The following KCNAB1 variants were observed in gnomAD, a reference collection of about 807,000 sequenced individuals.
KCNAB1 encodes potassium voltage-gated channel subfamily A regulatory beta subunit 1.
A neutral mutation model predicts 64.6 loss-of-function variants in KCNAB1; 35 were observed. That is an observed-to-expected ratio of 0.54 (90% confidence interval 0.41 to 0.72). The LOEUF (loss-of-function observed/expected upper bound fraction) is 0.72. KCNAB1 is among the 30% of genes least tolerant of loss of function. KCNAB1 has a pLI of 0.00. For synonymous variants in KCNAB1, 177 were observed against 183.8 expected (o/e 0.96, Z 0.30); for missense variants, 401 against 512.9 (o/e 0.78, Z 2.11).
At chr3:156,145,198 G>T (rs1204965668) in intron 1 of KCNAB1, among the ~76,000 whole-genome samples, 1 of 152,154 alleles carries the variant, frequency 6.6e-6, no homozygotes, top group South Asian at 2.1e-4. Context: ...ATGGGACTTA[G>T]GAGAATGTTG....
At chr3:156,269,441 G>A (rs1447876863) in intron 1 of KCNAB1, among the ~76,000 whole-genome samples, 1 of 152,164 alleles carries the variant, frequency 6.6e-6, no homozygotes, top group African/African-American at 2.4e-5. Flanking sequence ...AATGATCCAT[G>A]TACTGGCAAG....
At chr3:156,533,950 T>C (rs1319494107) in intron 13 of KCNAB1, among the ~76,000 whole-genome samples, 1 of 151,984 alleles carries the variant, frequency 6.6e-6, no homozygotes, top group Non-Finnish European at 1.5e-5. Context: ...CTTGAGTAAT[T>C]TTTCTTCCCA....
At chr3:156,444,658 A>T (rs1287074431) in intron 2 of KCNAB1, among the ~76,000 whole-genome samples, 1 of 152,230 alleles carries the variant, frequency 6.6e-6, no homozygotes, top group Non-Finnish European at 1.5e-5. Context: ...AAGGGCAAGA[A>T]GCCAATTCCT....
intron 1 of KCNAB1, among the ~76,000 whole-genome samples, chr3:156,348,722 T>A (rs1285667964): frequency 1.3e-5 from 2 of 152,192 alleles, no homozygotes; most frequent in Non-Finnish European, 2.9e-5. Context: ...AATATTGTTA[T>A]TGAATCCATG....
At chr3:156,394,345 A>G (rs537204180) in intron 1 of KCNAB1, among the ~76,000 whole-genome samples, 4 of 152,306 alleles carry the variant, frequency 2.6e-5, no homozygotes, top group African/African-American at 9.6e-5. Flanking sequence ...TGGGCCCACA[A>G]GAGTGAAGTC....
rs920505145 is a variant in KCNAB1, at chr3:156,504,747, T to G, written c.659-9617T>G. Reference sequence around the variant, plus strand: ...GGATTACTTGTTTTGTTTTTGTTTTTTTTGTTTTTTTTTTTTTGCTGCTGA... The same window carrying G: ...GGATTACTTGTTTTGTTTTTGTTTTGTTTGTTTTTTTTTTTTTGCTGCTGA... On this transcript the variant is annotated intron_variant, in intron 8 of 13. Coordinates refer to ENST00000490337, the MANE Select transcript of KCNAB1 (RefSeq NM_172160.3). Among the ~76,000 whole-genome samples the G allele has an allele frequency of 5.0e-3, 646 of 130,098 alleles. 4 individuals carry two copies. Among genetic ancestry groups the G allele is most frequent in the Middle Eastern group, 0.017 (4 of 232 alleles). The allele number at this position is 130,098 out of a possible 152,430, so 85.3% of individuals were successfully genotyped here.
intron 1 of KCNAB1, among the ~76,000 whole-genome samples, chr3:156,224,882 T>C (rs1352512614): frequency 9.9e-5 from 15 of 152,096 alleles, no homozygotes; most frequent in African/African-American, 3.6e-4. Context: ...AGATATAAAA[T>C]CTCTGAACAT....
chr3:156,489,498 C>T (rs998865747), intron 8 of KCNAB1, among the ~76,000 whole-genome samples: 2 of 152,022 alleles, frequency 1.3e-5, no homozygotes, highest in African/African-American at 4.8e-5. Context: ...TCTTTAACAA[C>T]ATTGACAAGA....
chr3:156,408,483 T>C (rs1714409120), intron 1 of KCNAB1, among the ~76,000 whole-genome samples: 1 of 152,122 alleles, frequency 6.6e-6, no homozygotes, highest in Admixed American at 6.5e-5. Flanking sequence ...GAATGGTGTA[T>C]AAAAGCACCT....
chr3:156,127,588 G>A (rs960683572), intron 1 of KCNAB1, among the ~76,000 whole-genome samples: 4 of 152,312 alleles, frequency 2.6e-5, no homozygotes, highest in Admixed American at 2.0e-4. Context: ...CAGGATTTAG[G>A]TAGCCAGAGA....
intron 1 of KCNAB1, among the ~76,000 whole-genome samples, chr3:156,393,821 A>G (rs559133422): frequency 1.4e-4 from 21 of 152,396 alleles, no homozygotes; most frequent in African/African-American, 5.0e-4. Context: ...TAATCTATTC[A>G]TCTGCACAAA....
rs1714826135 is a variant in KCNAB1, at chr3:156,143,400, A to G, written c.275+22514A>G. On this transcript the variant is annotated intron_variant, in intron 1 of 13. Transcript: ENST00000490337. ...TTTCGTTGCAGGAAACCACCAGAGC[A>G]GAGACGGGCATGGCATACAGGTACT... 7 of 1,594,286 alleles carry G rather than the reference A, an allele frequency of 4.4e-6. No individual in the cohort carries two copies. In the Admixed American group the frequency reaches 8.6e-5, roughly 19 times the overall value.
intron 1 of KCNAB1, among the ~76,000 whole-genome samples, chr3:156,129,233 T>A (rs1713845672): frequency 6.6e-6 from 1 of 152,204 alleles, no homozygotes; most frequent in Non-Finnish European, 1.5e-5. Context: ...CTTAAGTATG[T>A]TCCAGGTTAT....
chr3:156,315,449 G>C (rs1247498931), intron 1 of KCNAB1, among the ~76,000 whole-genome samples: 1 of 152,162 alleles, frequency 6.6e-6, no homozygotes, highest in Non-Finnish European at 1.5e-5. Context: ...GCTCACTGAG[G>C]TCCCTGGAAT....
At chr3:156,505,208 T>C (rs1312493711) in intron 8 of KCNAB1, among the ~76,000 whole-genome samples, 2 of 152,196 alleles carry the variant, frequency 1.3e-5, no homozygotes, top group African/African-American at 4.8e-5. Flanking sequence ...TTGTCAAAAA[T>C]CTGTTGGCTG....
At chr3:156,345,403 G>T (rs1410186037) in intron 1 of KCNAB1, among the ~76,000 whole-genome samples, 1 of 152,230 alleles carries the variant, frequency 6.6e-6, no homozygotes, top group Non-Finnish European at 1.5e-5. Context: ...AAAGCAGATT[G>T]ATGGATTTAT....
At chr3:156,348,098 G>A (rs1368215654) in intron 1 of KCNAB1, among the ~76,000 whole-genome samples, 2 of 151,900 alleles carry the variant, frequency 1.3e-5, no homozygotes, top group Admixed American at 1.3e-4. Context: ...GATATGAAGG[G>A]AAAAAAACAC....
At chr3:156,530,432 G>A (rs1369749812) in intron 12 of KCNAB1, among the ~76,000 whole-genome samples, 7 of 152,116 alleles carry the variant, frequency 4.6e-5, no homozygotes, top group Non-Finnish European at 7.4e-5. Flanking sequence ...AGGGGGCAGG[G>A]GTTGATGGGA....
rs563345197 is a variant in KCNAB1, at chr3:156,206,847, TTGGAAAAAATA to T, written c.275+85972_275+85982del. 2.8e-3 allele frequency among the ~76,000 whole-genome samples: 419 copies of T among 152,288 alleles called. 3 individuals carry two copies. Among genetic ancestry groups the T allele is most frequent in the African/African-American group, 9.3e-3 (386 of 41,540 alleles). On this transcript the variant is annotated intron_variant, in intron 1 of 13. Coordinates refer to ENST00000490337, the MANE Select transcript of KCNAB1 (RefSeq NM_172160.3). ...TTTCAATCCTTTTGTATTTTATTTCTTGGAAAAAATATGGAAAAAATGTTTCAGTAAAAGCA... is the reference window on the plus strand; with the variant it reads ...TTTCAATCCTTTTGTATTTTATTTCTTGGAAAAAATGTTTCAGTAAAAGCA...
Sources: gnomAD v4.1 joint callset for allele counts (sites outside exome capture counted in the v4.1 genomes callset) on GRCh38, gnomAD v4.1.1 for gene constraint, MANE v1.5 for transcripts, NCBI Gene and HGNC (gene_info 2026-07-23, HGNC 2026-07-21) for gene names.